The following DOK6 variants were observed in gnomAD, a reference collection of about 807,000 sequenced individuals.
The protein encoded by DOK6 is docking protein 6, also known as downstream of tyrosine kinase 6.
Under a neutral mutation model 44.0 loss-of-function variants are expected in DOK6, and 22 were observed. The observed-to-expected ratio is 0.50, with a 90% CI of 0.36 to 0.71. The LOEUF (loss-of-function observed/expected upper bound fraction) is 0.71. Ranked by LOEUF, DOK6 falls within the 30% of genes least tolerant of loss-of-function variation. The pLI is 0.00. For synonymous variants in DOK6, 166 were observed against 145.5 expected, an observed-to-expected ratio of 1.14 and a Z score of -1.01; for missense variants, 340 against 416.4, an observed-to-expected ratio of 0.82 and a Z score of 1.60.
intron 7 of DOK6, chr18:69,777,858 A>G (rs1475602234): frequency 6.6e-6 from 1 of 152,180 alleles, no homozygotes; most frequent in Non-Finnish European, 1.5e-5. Flanking sequence ...AGAAGAAACA[A>G]AATTTAAAAA....
chr18:69,692,883 A>G (rs996969815), intron 4 of DOK6, among the ~76,000 whole-genome samples: 2 of 152,078 alleles, frequency 1.3e-5, no homozygotes, highest in African/African-American at 4.8e-5. Context: ...TATTTATGTT[A>G]ACTTAATAAT....
chr18:69,749,164 G>C (rs2144746729), intron 6 of DOK6, among the ~76,000 whole-genome samples: 1 of 152,106 alleles, frequency 6.6e-6, no homozygotes, highest in East Asian at 1.9e-4. Context: ...GGGGGTTGGG[G>C]TGGGGAGAGG....
At chr18:69,488,679 C>T (rs4891748) in intron 1 of DOK6, among the ~76,000 whole-genome samples, 3 of 151,940 alleles carry the variant, frequency 2.0e-5, no homozygotes, top group Admixed American at 6.6e-5. Context: ...AGATCCTGTA[C>T]GACTTATTCA....
At chr18:69,508,374 T>A (rs1015619162) in intron 1 of DOK6, among the ~76,000 whole-genome samples, 1 of 152,226 alleles carries the variant, frequency 6.6e-6, no homozygotes, top group Admixed American at 6.5e-5. Flanking sequence ...CCTCAAGGAA[T>A]TACTTGAGAA....
intron 7 of DOK6, among the ~76,000 whole-genome samples, chr18:69,808,220 A>G (rs1219383070): frequency 6.6e-6 from 1 of 151,876 alleles, no homozygotes; most frequent in East Asian, 1.9e-4. Context: ...AAATTAAAAG[A>G]GAAATTTAAA....
intron 1 of DOK6, among the ~76,000 whole-genome samples, chr18:69,521,773 A>C (rs1981693864): frequency 1.3e-5 from 2 of 152,016 alleles, no homozygotes; most frequent in Admixed American, 6.6e-5. Flanking sequence ...ACTATAGGTA[A>C]TAATGTATTG....
At chr18:69,591,245 A>G (rs1276849132) in intron 2 of DOK6, among the ~76,000 whole-genome samples, 1 of 152,164 alleles carries the variant, frequency 6.6e-6, no homozygotes, top group African/African-American at 2.4e-5. Flanking sequence ...GACAAAATAA[A>G]TAGAACTCAT....
At chr18:69,641,473 AT>A (rs1474193356) in intron 3 of DOK6, among the ~76,000 whole-genome samples, 2 of 152,196 alleles carry the variant, frequency 1.3e-5, no homozygotes, top group Non-Finnish European at 1.5e-5. Context: ...CCACCCACAG[AT>A]TTTTAATTCA....
At chr18:69,704,217 G>A (rs1986582843) in intron 5 of DOK6, among the ~76,000 whole-genome samples, 1 of 152,150 alleles carries the variant, frequency 6.6e-6, no homozygotes, top group African/African-American at 2.4e-5. Context: ...CCACCCAGAA[G>A]GTGGCCTCCA....
intron 5 of DOK6, among the ~76,000 whole-genome samples, chr18:69,707,419 C>T (rs573634837): frequency 2.2e-4 from 33 of 152,272 alleles, no homozygotes; most frequent in African/African-American, 7.7e-4. Flanking sequence ...AGAGCTTTAC[C>T]GAATATCTCA....
chr18:69,548,120 A>AT (rs1432389598), intron 1 of DOK6, among the ~76,000 whole-genome samples: 2 of 149,932 alleles, frequency 1.3e-5, no homozygotes, highest in Non-Finnish European at 3.0e-5. Flanking sequence ...CACCCGGCTA[A>AT]TTTTTTGTAT....
At chr18:69,691,560 G>A (rs188844012) in intron 4 of DOK6, among the ~76,000 whole-genome samples, 8 of 152,314 alleles carry the variant, frequency 5.3e-5, no homozygotes, top group Admixed American at 4.6e-4. Flanking sequence ...AAGAACCTGA[G>A]TTTGGGGAAG....
At chr18:69,629,455 G>A (rs1984639974) in intron 3 of DOK6, among the ~76,000 whole-genome samples, 1 of 152,110 alleles carries the variant, frequency 6.6e-6, no homozygotes, top group South Asian at 2.1e-4. Flanking sequence ...CATTCTGACA[G>A]GCTCTTTTGC....
At chr18:69,581,151 A>G (rs181683973) in intron 2 of DOK6, among the ~76,000 whole-genome samples, 388 of 152,336 alleles carry the variant, frequency 2.5e-3, no homozygotes, top group Non-Finnish European at 2.6e-3. Flanking sequence ...GTGTCATATG[A>G]CATGACCTAA....
chr18:69,728,860 G>A (rs1360022848), intron 5 of DOK6, among the ~76,000 whole-genome samples: 1 of 152,116 alleles, frequency 6.6e-6, no homozygotes, highest in Non-Finnish European at 1.5e-5. Context: ...AAAAACAGAA[G>A]AAACTTCTTC....
chr18:69,692,213 A>G (rs1164855353), intron 4 of DOK6, among the ~76,000 whole-genome samples: 1 of 152,182 alleles, frequency 6.6e-6, no homozygotes, highest in Non-Finnish European at 1.5e-5. Flanking sequence ...AAAGAAGAGG[A>G]GAAACTTCCA....
At chr18:69,438,612 C>G (rs1010943641) in intron 1 of DOK6, among the ~76,000 whole-genome samples, 17 of 152,152 alleles carry the variant, frequency 1.1e-4, no homozygotes, top group Non-Finnish European at 1.9e-4. Flanking sequence ...ATGCTGAATC[C>G]TTTCCAGAAG....
At chr18:69,809,487 A>C (rs188659438) in intron 7 of DOK6, among the ~76,000 whole-genome samples, 16 of 151,692 alleles carry the variant, frequency 1.1e-4, no homozygotes, top group African/African-American at 3.9e-4. Context: ...ATTGAATTGA[A>C]AAGGAAGAAG....
chr18:69,555,356 A>G (rs887147898), intron 1 of DOK6, among the ~76,000 whole-genome samples: 7 of 152,174 alleles, frequency 4.6e-5, no homozygotes, highest in Admixed American at 1.3e-4. Context: ...TGGGCATTGT[A>G]GCAGTTTTTT....
Sources: gnomAD v4.1 joint callset for allele counts (sites outside exome capture counted in the v4.1 genomes callset) on GRCh38, gnomAD v4.1.1 for gene constraint, MANE v1.5 for transcripts, NCBI Gene and HGNC (gene_info 2026-07-23, HGNC 2026-07-21) for gene names.